The following RANBP17 variants were observed in gnomAD, a reference collection of about 807,000 sequenced individuals.
RANBP17 encodes RAN binding protein 17.
A neutral mutation model predicts 141.2 loss-of-function variants in RANBP17; 158 were observed. The observed-to-expected ratio is 1.12, with a 90% CI of 0.98 to 1.28. The LOEUF (loss-of-function observed/expected upper bound fraction) is 1.28, where lower values mean the gene tolerates loss of function less well. RANBP17 is among the 50% of genes most tolerant of loss of function. The pLI, the probability that RANBP17 is intolerant of heterozygous loss-of-function variation, is 0.00. For missense variants in RANBP17, 1,438 were observed against 1,290.7 expected (o/e 1.11, Z -1.75); for synonymous variants, 430 against 450.0 (o/e 0.96, Z 0.56).
At chr5:171,069,523 A>G (rs1784511053) in intron 14 of RANBP17, among the ~76,000 whole-genome samples, 1 of 152,200 alleles carries the variant, frequency 6.6e-6, no homozygotes, top group South Asian at 2.1e-4. Flanking sequence ...TTGTGTCATC[A>G]TTTAGCCATT....
chr5:171,263,153 A>G (rs928754034), intron 24 of RANBP17, among the ~76,000 whole-genome samples: 2 of 152,174 alleles, frequency 1.3e-5, no homozygotes, highest in African/African-American at 4.8e-5. Context: ...AGGCATACAT[A>G]TGTCTCAGAA....
At chr5:171,244,063 G>A (rs1765055981) in intron 24 of RANBP17, among the ~76,000 whole-genome samples, 1 of 151,776 alleles carries the variant, frequency 6.6e-6, no homozygotes. Context: ...ACTCAGCCTG[G>A]GCAACAAGAA....
intron 13 of RANBP17, among the ~76,000 whole-genome samples, chr5:170,961,704 TG>T: frequency 6.6e-6 from 1 of 152,324 alleles, no homozygotes; most frequent in East Asian, 1.9e-4. Flanking sequence ...ATTAAAAATC[TG>T]AAACACTTCT....
rs193150300 is a variant in RANBP17 at position 170,930,449 on chromosome 5, T to C, written c.1468+5899T>C. Among the ~76,000 whole-genome samples, 613 of 152,096 alleles carry C rather than the reference T, an allele frequency of 4.0e-3. 5 individuals are homozygous for C. The highest frequency in any genetic ancestry group is 0.014 in the African/African-American group (591 of 41,504). ...ATTTTACTTTAAGTTCTAGGGTACATGTGCACAATGTTCAGTTTTGTTACA... is the reference window on the plus strand; with the variant it reads ...ATTTTACTTTAAGTTCTAGGGTACACGTGCACAATGTTCAGTTTTGTTACA... On this transcript the variant is annotated intron_variant, in intron 12 of 27. Coordinates refer to ENST00000523189, the MANE Select transcript of RANBP17 (RefSeq NM_022897.5).
chr5:170,989,558 T>G (rs1778369252), intron 14 of RANBP17, among the ~76,000 whole-genome samples: 1 of 151,860 alleles, frequency 6.6e-6, no homozygotes, highest in South Asian at 2.1e-4. Context: ...TCTATACTAA[T>G]ATGTTATACT....
intron 24 of RANBP17, among the ~76,000 whole-genome samples, chr5:171,259,998 TAAAATA>T (rs1465854964): frequency 1.4e-5 from 2 of 145,162 alleles, no homozygotes; most frequent in Non-Finnish European, 1.5e-5. Context: ...TAAATAAATA[TAAAATA>T]AAAATAAAAA....
In RANBP17 at chr5:170,980,912, C is replaced by T. The variant is rs758737727; in HGVS notation, c.1710+12535C>T. 2.7e-3 allele frequency among the ~76,000 whole-genome samples: 407 copies of T among 152,070 alleles called. 1 individual carries two copies. Among genetic ancestry groups the T allele is most frequent in the Non-Finnish European group, 4.9e-3 (334 of 67,912 alleles). ...TGCACTGTTCACCTGGAAAAGCCAT[C>T]GCCAGCCTGTGAAAGCAGTAGAGGG... On this transcript the variant is annotated intron_variant, in intron 14 of 27. Transcript: ENST00000523189.
chr5:171,105,645 G>A (rs905183779), intron 14 of RANBP17, among the ~76,000 whole-genome samples: 5 of 151,880 alleles, frequency 3.3e-5, no homozygotes, highest in African/African-American at 1.2e-4. Flanking sequence ...TTGAGCCCAG[G>A]AGTTTGAAGT....
At chr5:171,110,230 C>T (rs985623628) in intron 14 of RANBP17, among the ~76,000 whole-genome samples, 4 of 151,974 alleles carry the variant, frequency 2.6e-5, no homozygotes, top group African/African-American at 9.6e-5. Flanking sequence ...TCTTAGGCTT[C>T]GGTTTCCTCA....
In RANBP17 at chr5:170,933,579, C is replaced by T. The variant is rs150034929; in HGVS notation, c.1468+9029C>T. On this transcript the variant is annotated intron_variant, in intron 12 of 27. Transcript: ENST00000523189. ...GCTATAAATTTCCCTCTACACAATG[C>T]TTTAAATGTGTCCCAGAGATTCTGA... 8.3e-4 allele frequency among the ~76,000 whole-genome samples: 127 copies of T among 152,342 alleles called. 2 individuals carry two copies. In the East Asian group the frequency reaches 0.024, roughly 28 times the overall value.
At chr5:171,014,734 A>T (rs549444442) in intron 14 of RANBP17, among the ~76,000 whole-genome samples, 1 of 152,138 alleles carries the variant, frequency 6.6e-6, no homozygotes, top group South Asian at 2.1e-4. Context: ...TTTTACTCAG[A>T]TAGTTACCAT....
At chr5:171,253,486 G>A (rs1053250642) in intron 24 of RANBP17, among the ~76,000 whole-genome samples, 1 of 152,174 alleles carries the variant, frequency 6.6e-6, no homozygotes, top group African/African-American at 2.4e-5. Flanking sequence ...CCTTCCTGAT[G>A]TAAAAACTAA....
chr5:171,257,377 C>T (rs1765967918), intron 24 of RANBP17, among the ~76,000 whole-genome samples: 1 of 152,128 alleles, frequency 6.6e-6, no homozygotes, highest in Non-Finnish European at 1.5e-5. Flanking sequence ...CTGACAAAAA[C>T]CCTCAACAAA....
At chr5:170,984,586 AGT>A (rs1777993764) in intron 14 of RANBP17, among the ~76,000 whole-genome samples, 1 of 152,172 alleles carries the variant, frequency 6.6e-6, no homozygotes, top group Non-Finnish European at 1.5e-5. Flanking sequence ...TGATCACACC[AGT>A]GCATTCCAGC....
At chr5:170,864,385 C>T (rs546748430) in intron 1 of RANBP17, among the ~76,000 whole-genome samples, 20 of 152,262 alleles carry the variant, frequency 1.3e-4, no homozygotes, top group Admixed American at 3.3e-4. Context: ...TAACATAAAC[C>T]GCTCATTGCC....
intron 14 of RANBP17, among the ~76,000 whole-genome samples, chr5:171,129,594 C>T (rs1022534539): frequency 6.6e-6 from 1 of 152,328 alleles, no homozygotes; most frequent in Non-Finnish European, 1.5e-5. Flanking sequence ...CTCTCCATTT[C>T]TAAATCATGT....
chr5:171,125,277 A>C (rs1399728678), intron 14 of RANBP17, among the ~76,000 whole-genome samples: 4 of 145,256 alleles, frequency 2.8e-5, no homozygotes, highest in Non-Finnish European at 6.0e-5. Context: ...AGCGTGGGTG[A>C]CAGAGTGAGA....
chr5:171,113,651 A>T (rs1372389017), intron 14 of RANBP17, among the ~76,000 whole-genome samples: 2 of 152,172 alleles, frequency 1.3e-5, no homozygotes, highest in African/African-American at 4.8e-5. Context: ...CCTGAAGTTC[A>T]CATAGCTAAT....
In RANBP17 at chr5:171,299,932, G is replaced by A. The variant is rs937753739; in HGVS notation, c.*1074G>A. 18 of 200,642 alleles carry A rather than the reference G, an allele frequency of 9.0e-5. No individual in the cohort carries two copies. The highest frequency in any genetic ancestry group is 1.9e-4 in the South Asian group (1 of 5,238). The allele number at this position is 200,642 out of a possible 1,614,324, so 12.4% of individuals were successfully genotyped here. Reference sequence around the variant, plus strand: ...ATGATTCAGGCTTATAACAAATATTGTATCCTTTATTTCTGATAAGACATG... The same window carrying A: ...ATGATTCAGGCTTATAACAAATATTATATCCTTTATTTCTGATAAGACATG... On this transcript the variant is annotated 3_prime_UTR_variant, in exon 28 of 28. Transcript: ENST00000523189.
Sources: gnomAD v4.1 joint callset for allele counts (sites outside exome capture counted in the v4.1 genomes callset) on GRCh38, gnomAD v4.1.1 for gene constraint, MANE v1.5 for transcripts, NCBI Gene and HGNC (gene_info 2026-07-23, HGNC 2026-07-21) for gene names.